LRRC9: variants seen among roughly 807,000 people sequenced by gnomAD.
LRRC9 encodes the protein leucine rich repeat containing 9, also known as leucine-rich repeat-containing protein 9.
In LRRC9, 122 loss-of-function variants were observed where a neutral mutation model predicts 63.2. The ratio of observed to expected loss-of-function variants is 1.93; its 90% CI spans 1.67 to 2.24. LRRC9 has a LOEUF of 2.24. LRRC9 is among the 30% of genes most tolerant of loss of function. The pLI is 0.00. For synonymous variants in LRRC9, 366 were observed against 213.1 expected, an observed-to-expected ratio of 1.72 and a Z score of -6.25; for missense variants, 1,071 against 627.7, an observed-to-expected ratio of 1.71 and a Z score of -7.55.
At chr14:59,987,062 G>A (rs565288012) in intron 17 of LRRC9, among the ~76,000 whole-genome samples, 2 of 151,964 alleles carry the variant, frequency 1.3e-5, no homozygotes, top group Admixed American at 1.3e-4. Flanking sequence ...CTATATATAT[G>A]GCTTAGTACA....
chr14:60,023,324 A>C (rs1891261928), intron 27 of LRRC9, among the ~76,000 whole-genome samples: 1 of 152,010 alleles, frequency 6.6e-6, no homozygotes, highest in African/African-American at 2.4e-5. Flanking sequence ...ACTTAAGTGC[A>C]ATAGAAGTTC....
downstream of LRRC9, among the ~76,000 whole-genome samples, chr14:60,065,944 G>A (rs1487699762): frequency 2.0e-5 from 3 of 151,820 alleles, no homozygotes; most frequent in East Asian, 1.9e-4. Context: ...AATTAACTGC[G>A]ATTAATTGTC....
At position 59,985,225 on chromosome 14, in the gene LRRC9, G is replaced by A. The variant is rs779942813; in HGVS notation, c.2211+1G>A. On this transcript the variant is annotated splice_donor_variant, in intron 17 of 31. Coordinates refer to ENST00000445360, the Ensembl canonical transcript of LRRC9. LOFTEE classifies it high-confidence loss of function. ...CTGTTTAGATGATGTATACCACTTG[G>A]TAAGAATTGTTCCTTTGAATCTAAA... 1 of 631,890 alleles carries A rather than the reference G, an allele frequency of 1.6e-6. No individual in the cohort carries two copies. The highest frequency in any genetic ancestry group is 2.9e-6 in the Non-Finnish European group (1 of 345,926). 39.1% of individuals were successfully genotyped at this position (631,890 alleles called of 1,614,324 possible). A position where few individuals can be genotyped will look rare whatever the true frequency, so the allele number is the denominator to read the frequency against.
chr14:59,929,891 A>G (rs1268462155), intron 3 of LRRC9, among the ~76,000 whole-genome samples: 1 of 152,084 alleles, frequency 6.6e-6, no homozygotes, highest in Non-Finnish European at 1.5e-5. Flanking sequence ...ACATGGACAC[A>G]TAGAGGGGAA....
At chr14:59,974,517 T>A (rs1885898339) in intron 12 of LRRC9, 59 bp from the exon 13 acceptor site, 1 of 535,482 alleles carries the variant, frequency 1.9e-6, no homozygotes, top group Non-Finnish European at 3.3e-6. Context: ...ACCCTCTGTA[T>A]TGAAGTTGAA....
rs1398921010 is a variant in LRRC9, at chr14:59,939,094, T to TATATACACATATATAC, written c.726+527_726+528insCACATATATACATATA. 7.6e-3 allele frequency among the ~76,000 whole-genome samples: 400 copies of TATATACACATATATAC among 52,900 alleles called. 1 individual carries two copies. Among genetic ancestry groups the TATATACACATATATAC allele is most frequent in the African/African-American group, 0.035 (367 of 10,484 alleles). 34.7% of individuals were successfully genotyped at this position (52,900 alleles called of 152,430 possible). On this transcript the variant is annotated intron_variant, in intron 7 of 31. Transcript: ENST00000445360. ...ATACACATATATACACATATATACA[T>TATATACACATATATAC]ATATATACACACATATATATACATA...
chr14:60,021,418 A>T lies in LRRC9; in HGVS notation c.3567-1316A>T, dbSNP rs374588565. ...CCCTTTATTAAAAAATGATTTACAG[A>T]TATTGTCTCTCAATCTGTGGCCTCT... On this transcript the variant is annotated intron_variant, in intron 26 of 31. Transcript: ENST00000445360. 1.1e-4 allele frequency among the ~76,000 whole-genome samples: 16 copies of T among 151,786 alleles called. No individual in the cohort carries two copies. In the East Asian group the frequency reaches 2.9e-3, roughly 27 times the overall value.
exon 3 of LRRC9, chr14:59,928,456 A>G (rs1198917122): frequency 4.3e-6 from 3 of 692,838 alleles, no homozygotes; most frequent in African/African-American, 1.8e-5. Context: ...TACAACTTAA[A>G]GAACTTTGGA....
chr14:59,938,846 A>G lies in LRRC9; in HGVS notation c.726+274A>G. On this transcript the variant is annotated intron_variant, in intron 7 of 31. Transcript: ENST00000445360. This position sits in a 1 kb window ranked among gnomAD's most constrained non-coding sequence, Gnocchi z 4.2. Reference sequence around the variant, plus strand: ...ACAAGAAGGAAATTGAAAAAAAATCAGTGTTAAAAATAGACTAGTGCCATA... The same window carrying G: ...ACAAGAAGGAAATTGAAAAAAAATCGGTGTTAAAAATAGACTAGTGCCATA... 8.3e-6 allele frequency among the ~76,000 whole-genome samples: 1 copy of G among 120,600 alleles called. No homozygotes were observed. Among genetic ancestry groups the G allele is most frequent in the Non-Finnish European group, 1.7e-5 (1 of 58,496 alleles). 79.1% of individuals were successfully genotyped at this position (120,600 alleles called of 152,430 possible).
At chr14:60,056,755 A>G (rs896003918) in intron 30 of LRRC9, among the ~76,000 whole-genome samples, 3 of 152,178 alleles carry the variant, frequency 2.0e-5, no homozygotes, top group African/African-American at 7.2e-5. Context: ...TCAGGACTAG[A>G]ACAAAATCAA....
intron 8 of LRRC9, among the ~76,000 whole-genome samples, chr14:59,957,642 T>G (rs1204444995): frequency 2.6e-5 from 4 of 152,162 alleles, no homozygotes; most frequent in Non-Finnish European, 4.4e-5. Context: ...AATTCATCAG[T>G]CTCATTCTCT....
intron 29 of LRRC9, among the ~76,000 whole-genome samples, chr14:60,048,932 A>G (rs1480580898): frequency 1.3e-5 from 2 of 152,192 alleles, no homozygotes; most frequent in Admixed American, 6.5e-5. Flanking sequence ...AGGCTTATCC[A>G]CCATGATCAA....
chr14:60,022,440 G>C (rs967654052), intron 26 of LRRC9, among the ~76,000 whole-genome samples: 13 of 151,760 alleles, frequency 8.6e-5, no homozygotes, highest in African/African-American at 2.7e-4. Flanking sequence ...TGAAAATAAA[G>C]ACAGTTTTAT....
At chr14:59,953,831 T>C (rs963002353) in intron 8 of LRRC9, among the ~76,000 whole-genome samples, 3 of 152,212 alleles carry the variant, frequency 2.0e-5, no homozygotes, top group African/African-American at 7.2e-5. Flanking sequence ...TTGAGTTACA[T>C]TTTGTATAAG....
chr14:59,926,319 A>G (rs1238763472), intron 1 of LRRC9, among the ~76,000 whole-genome samples: 1 of 152,008 alleles, frequency 6.6e-6, no homozygotes, highest in Non-Finnish European at 1.5e-5. Context: ...TTCTAGTGAG[A>G]TTTGGGGAGG....
intron 13 of LRRC9, among the ~76,000 whole-genome samples, chr14:59,976,116 T>C (rs1002402836): frequency 6.6e-6 from 1 of 152,242 alleles, no homozygotes; most frequent in African/African-American, 2.4e-5. Flanking sequence ...TGATGATATG[T>C]CACTTGTCTC....
At chr14:59,939,962 G>C (rs1881581311) in intron 7 of LRRC9, among the ~76,000 whole-genome samples, 1 of 151,942 alleles carries the variant, frequency 6.6e-6, no homozygotes, top group Admixed American at 6.6e-5. Flanking sequence ...GCTGTGGACT[G>C]GATGAGTCAC....
At chr14:60,021,529 T>C (rs915015924) in intron 26 of LRRC9, among the ~76,000 whole-genome samples, 3 of 151,930 alleles carry the variant, frequency 2.0e-5, no homozygotes, top group African/African-American at 7.2e-5. Context: ...CAGATTGCAA[T>C]TTAGGTGTTA....
chr14:59,952,570 A>T (rs1249419800), intron 8 of LRRC9, among the ~76,000 whole-genome samples: 2 of 152,210 alleles, frequency 1.3e-5, no homozygotes, highest in Non-Finnish European at 2.9e-5. Flanking sequence ...AGGAGTACAG[A>T]TAACTATTAA....
Sources: allele counts gnomAD v4.1 joint callset (sites outside exome capture counted in the v4.1 genomes callset), GRCh38; gene constraint gnomAD v4.1.1; non-coding constraint Gnocchi (gnomAD v3.1); transcripts MANE v1.5; gene names NCBI Gene and HGNC (gene_info 2026-07-23, HGNC 2026-07-21).